OPN3: variants seen among roughly 807,000 people sequenced by gnomAD.
The protein encoded by OPN3 is opsin-3.
OPN3 carries 29 observed loss-of-function variants against 33.8 expected under a neutral mutation model. That is an observed-to-expected ratio of 0.86 (90% CI 0.64 to 1.17). The LOEUF (loss-of-function observed/expected upper bound fraction) is 1.17. OPN3 is among the 50% of genes most tolerant of loss of function. The probability of loss-of-function intolerance (pLI) is 0.00; values close to 1 mark genes in which losing one functional copy is unlikely to be tolerated. For synonymous variants in OPN3, 216 were observed against 216.1 expected, an observed-to-expected ratio of 1.00 and a Z score of 0.00; for missense variants, 437 against 514.1, an observed-to-expected ratio of 0.85 and a Z score of 1.45.
chr1:241,639,141 T>C lies in OPN3; in HGVS notation c.373+741A>G, dbSNP rs974948823. On this transcript the variant is annotated intron_variant, in intron 1 of 3. Transcript: ENST00000366554. ...CTTCAACAATGAAGTTCTACTTTAA[T>C]GAAATCTACCGATTGCAGAGCTAAT... 1.0e-3 allele frequency: 159 copies of C among 152,362 alleles called. 2 individuals carry two copies. The highest frequency in any genetic ancestry group is 3.6e-3 in the African/African-American group (149 of 41,596). 9.4% of individuals were successfully genotyped at this position (152,362 alleles called of 1,614,324 possible). A position where few individuals can be genotyped will look rare whatever the true frequency, so the allele number is the denominator to read the frequency against.
At chr1:241,602,200 G>A (rs962346095) in intron 2 of OPN3, among the ~76,000 whole-genome samples, 3 of 152,160 alleles carry the variant, frequency 2.0e-5, no homozygotes, top group Admixed American at 6.6e-5. Flanking sequence ...AGAAGATGGC[G>A]CCAGAGAGTC....
intron 1 of OPN3, among the ~76,000 whole-genome samples, chr1:241,627,830 A>C (rs1276011782): frequency 6.6e-6 from 1 of 152,198 alleles, no homozygotes; most frequent in African/African-American, 2.4e-5. Context: ...CAGGAGCATG[A>C]CTTTCACTTG....
intron 2 of OPN3, among the ~76,000 whole-genome samples, chr1:241,601,401 A>C (rs1256039445): frequency 2.0e-5 from 3 of 152,134 alleles, no homozygotes; most frequent in African/African-American, 7.2e-5. Context: ...AGAGGAAAAA[A>C]TGGATATACC....
At chr1:241,617,786 C>T (rs369398693) in intron 1 of OPN3, among the ~76,000 whole-genome samples, 10 of 152,250 alleles carry the variant, frequency 6.6e-5, no homozygotes, top group South Asian at 2.1e-4. Flanking sequence ...TCATATATAA[C>T]GTGCTAAGGA....
In OPN3 at chr1:241,626,870, C is replaced by T. The variant is rs188025325; in HGVS notation, c.373+13012G>A. On this transcript the variant is annotated intron_variant, in intron 1 of 3. Transcript: ENST00000366554. ...TATAATAAAAAGAAATGGCATAAAA[C>T]ACACTGTACTAGTATCCTCAAGGAT... Among the ~76,000 whole-genome samples the T allele has an allele frequency of 5.9e-4, 90 of 152,208 alleles. 1 individual carries two copies. The highest frequency in any genetic ancestry group is 4.4e-5 in the Non-Finnish European group (3 of 67,996).
intron 3 of OPN3, chr1:241,595,630 T>C (rs2147993804): frequency 6.6e-6 from 1 of 152,342 alleles, no homozygotes; most frequent in South Asian, 2.1e-4. Context: ...ATTAAAAATA[T>C]AATAAATAGC....
intron 1 of OPN3, among the ~76,000 whole-genome samples, chr1:241,612,615 G>A (rs1664026661): frequency 6.6e-6 from 1 of 152,152 alleles, no homozygotes; most frequent in Non-Finnish European, 1.5e-5. Flanking sequence ...TTTGCCTCTT[G>A]TCCCAGAATC....
At chr1:241,632,604 G>A (rs1225151087) in intron 1 of OPN3, 1 of 151,880 alleles carries the variant, frequency 6.6e-6, no homozygotes, top group Non-Finnish European at 1.5e-5. Flanking sequence ...GGCTCTGGGA[G>A]AAAAAAAGTT....
At chr1:241,635,183 T>C (rs1664837671) in intron 1 of OPN3, 3 of 1,613,138 alleles carry the variant, frequency 1.9e-6, no homozygotes, top group Non-Finnish European at 2.5e-6. Context: ...TTTATCTCCA[T>C]CTTTATCTGA....
At chr1:241,599,908 G>A (rs1663635972) in intron 2 of OPN3, among the ~76,000 whole-genome samples, 1 of 152,150 alleles carries the variant, frequency 6.6e-6, no homozygotes, top group East Asian at 1.9e-4. Flanking sequence ...AACTAGATAT[G>A]AGACTAACAC....
chr1:241,628,370 A>C (rs1220533421), intron 1 of OPN3, among the ~76,000 whole-genome samples: 4 of 152,096 alleles, frequency 2.6e-5, no homozygotes, highest in Non-Finnish European at 4.4e-5. Flanking sequence ...TTCATAACCC[A>C]CAGTAGGTGT....
Position 241,639,813 on chromosome 1 carries a change from C to A in OPN3, c.373+69G>T, listed in dbSNP as rs190991686. On this transcript the variant is annotated intron_variant, in intron 1 of 3. Coordinates refer to ENST00000366554, the MANE Select transcript of OPN3 (RefSeq NM_014322.3). Reference sequence around the variant, plus strand: ...CGGGGCGGGCTGGGGGGCGGACGCACGGAGCGGGCAGCGGGGTGGGGAGTG... The same window carrying A: ...CGGGGCGGGCTGGGGGGCGGACGCAAGGAGCGGGCAGCGGGGTGGGGAGTG... 1.7e-3 allele frequency: 2,275 copies of A among 1,316,578 alleles called. 37 individuals carry two copies. In the African/African-American group the frequency reaches 0.038, roughly 22 times the overall value. The allele number at this position is 1,316,578 out of a possible 1,614,324, so 81.6% of individuals were successfully genotyped here.
intron 1 of OPN3, chr1:241,634,324 T>C: frequency 6.2e-7 from 1 of 1,614,042 alleles, no homozygotes; most frequent in African/African-American, 1.3e-5. Flanking sequence ...CTGGCTCTGC[T>C]GGAGGAACTA....
At chr1:241,620,917 T>C (rs1234858750) in intron 1 of OPN3, among the ~76,000 whole-genome samples, 1 of 152,100 alleles carries the variant, frequency 6.6e-6, no homozygotes, top group Non-Finnish European at 1.5e-5. Context: ...AAAGATATAC[T>C]CTGAAGCATT....
At chr1:241,624,951 C>T (rs1664374213) in intron 1 of OPN3, among the ~76,000 whole-genome samples, 1 of 152,196 alleles carries the variant, frequency 6.6e-6, no homozygotes, top group Admixed American at 6.5e-5. Flanking sequence ...ACCTACCCAA[C>T]TAGGTTTTTA....
chr1:241,595,198 A>G (rs1016639077), intron 3 of OPN3: 3 of 153,438 alleles, frequency 2.0e-5, no homozygotes, highest in African/African-American at 7.2e-5. Flanking sequence ...GGAAAAAAAT[A>G]CTATAGCAGA....
rs761785944 is a variant in OPN3, at chr1:241,634,004, T to G, written c.373+5878A>C. The G allele has an allele frequency of 1.9e-6, 3 of 1,613,958 alleles. No homozygotes were observed. The South Asian group carries it at 3.3e-5, about 18-fold the overall frequency. The stretch of plus-strand genomic sequence containing the variant: ...AAGTGTTTCAGCTTGCTTGACAGCA[T>G]GCTCATTTCCCAGGCCACAGTCAGG... On this transcript the variant is annotated intron_variant, in intron 1 of 3. Transcript: ENST00000366554.
At chr1:241,596,061 G>C (rs1280808955) in intron 3 of OPN3, among the ~76,000 whole-genome samples, 1 of 152,124 alleles carries the variant, frequency 6.6e-6, no homozygotes, top group African/African-American at 2.4e-5. Context: ...GCAGAATATT[G>C]GGCAACCATA....
At position 241,594,553 on chromosome 1, in the gene OPN3, T is replaced by C; in HGVS notation, c.1084A>G (p.Lys362Glu). ...MSQKDGDRPK[K>E]KVTFNSSSII... is the part of the protein sequence containing the mutation. ...GAAGAAGAGTTGAAAGTCACTTTTT[T>C]CTTTGGCCTGTCCCCATCTTTCTGT... The change falls in exon 4 of 4, where the codon AAA becomes GAA. Residue 362 changes from lysine (K) to glutamate (E), a missense_variant. Physicochemically the swap from Lys to Glu is moderately conservative, Grantham distance 56 (BLOSUM62 1). Coordinates refer to ENST00000366554, the MANE Select transcript of OPN3 (RefSeq NM_014322.3). 1 of 1,614,140 alleles carries C rather than the reference T, an allele frequency of 6.2e-7. No homozygotes were observed. Among genetic ancestry groups the C allele is most frequent in the Non-Finnish European group, 8.5e-7 (1 of 1,179,984 alleles).
Sources: allele counts gnomAD v4.1 joint callset (sites outside exome capture counted in the v4.1 genomes callset), GRCh38; gene constraint gnomAD v4.1.1; transcripts MANE v1.5; gene names NCBI Gene and HGNC (gene_info 2026-07-23, HGNC 2026-07-21).